Variants in NDUFS4 observed in about 807,000 individuals in gnomAD.
NDUFS4 encodes the protein NADH:ubiquinone oxidoreductase subunit S4, also known as NADH dehydrogenase [ubiquinone] iron-sulfur protein 4, mitochondrial.
NDUFS4 carries 28 observed loss-of-function variants against 24.3 expected under a neutral mutation model. The observed-to-expected ratio is 1.15, with a 90% CI of 0.85 to 1.58. The LOEUF (loss-of-function observed/expected upper bound fraction) is 1.58. Ranked by LOEUF, NDUFS4 falls within the 40% of genes most tolerant of loss-of-function variation. NDUFS4 has a pLI of 0.00. For missense variants in NDUFS4, 223 were observed against 207.9 expected, an observed-to-expected ratio of 1.07 and a Z score of -0.45; for synonymous variants, 93 against 69.7, an observed-to-expected ratio of 1.34 and a Z score of -1.67.
At chr5:53,664,058 T>G (rs1561395327) in intron 4 of NDUFS4, among the ~76,000 whole-genome samples, 1 of 152,218 alleles carries the variant, frequency 6.6e-6, no homozygotes, top group Non-Finnish European at 1.5e-5. Context: ...CATTTGCTTG[T>G]CTGTAAAGGA....
At chr5:53,616,526 A>C (rs910077742) in intron 2 of NDUFS4, among the ~76,000 whole-genome samples, 2 of 152,114 alleles carry the variant, frequency 1.3e-5, no homozygotes, top group African/African-American at 4.8e-5. Flanking sequence ...GTGAGTATCT[A>C]AGGTAAGAGC....
intron 1 of NDUFS4, among the ~76,000 whole-genome samples, chr5:53,602,459 T>A (rs955494836): frequency 6.6e-6 from 1 of 152,132 alleles, no homozygotes; most frequent in South Asian, 2.1e-4. Flanking sequence ...ACCTCTTGTA[T>A]TATGTTATCT....
chr5:53,563,748 C>A (rs927362559), intron 1 of NDUFS4, among the ~76,000 whole-genome samples: 1 of 152,128 alleles, frequency 6.6e-6, no homozygotes, highest in Non-Finnish European at 1.5e-5. Flanking sequence ...GTGATCCACC[C>A]GCCCCGGCCT....
chr5:53,625,074 TAGCTGGGA>T (rs1335842772), intron 2 of NDUFS4, among the ~76,000 whole-genome samples: 1 of 152,054 alleles, frequency 6.6e-6, no homozygotes, highest in Non-Finnish European at 1.5e-5. Flanking sequence ...TCTTCCTGAG[TAGCTGGGA>T]ATATAGGCAC....
chr5:53,616,199 C>G (rs558406678), intron 2 of NDUFS4, among the ~76,000 whole-genome samples: 3 of 149,158 alleles, frequency 2.0e-5, no homozygotes, highest in East Asian at 3.9e-4. Flanking sequence ...TATTATTATC[C>G]TTTCCTTCAT....
At chr5:53,605,380 A>AT (rs1750467040) in intron 2 of NDUFS4, among the ~76,000 whole-genome samples, 1 of 152,124 alleles carries the variant, frequency 6.6e-6, no homozygotes, top group African/African-American at 2.4e-5. Context: ...AAGTTTTCAA[A>AT]TTTTAGAGTT....
At chr5:53,650,476 A>C (rs1231994542) in intron 3 of NDUFS4, among the ~76,000 whole-genome samples, 2 of 152,242 alleles carry the variant, frequency 1.3e-5, no homozygotes, top group African/African-American at 4.8e-5. Context: ...AAGAGTGGAC[A>C]GTCATACAGA....
intron 1 of NDUFS4, among the ~76,000 whole-genome samples, chr5:53,590,677 A>G (rs1214471401): frequency 2.0e-5 from 3 of 152,198 alleles, no homozygotes; most frequent in African/African-American, 4.8e-5. Flanking sequence ...AATCTTCTTC[A>G]TCTTTGACAA....
At chr5:53,609,327 A>G (rs891239322) in intron 2 of NDUFS4, among the ~76,000 whole-genome samples, 28 of 152,276 alleles carry the variant, frequency 1.8e-4, no homozygotes, top group African/African-American at 6.5e-4. Context: ...TGAAAGCGAC[A>G]CCCTTGTACA....
intron 4 of NDUFS4, among the ~76,000 whole-genome samples, chr5:53,675,443 T>G (rs927828652): frequency 6.6e-6 from 1 of 152,062 alleles, no homozygotes; most frequent in Non-Finnish European, 1.5e-5. Context: ...ATTACAGGCG[T>G]GAGCCACCAC....
At chr5:53,598,874 GTAAT>G (rs1194092949) in intron 1 of NDUFS4, among the ~76,000 whole-genome samples, 2 of 152,134 alleles carry the variant, frequency 1.3e-5, no homozygotes, top group African/African-American at 4.8e-5. Context: ...ACCAGTAATG[GTAAT>G]TAATAATCAC....
At chr5:53,604,700 T>C in intron 2 of NDUFS4, 3 of 455,060 alleles carry the variant, frequency 6.6e-6, no homozygotes, top group Non-Finnish European at 1.3e-5. Flanking sequence ...TCTTGCCTGA[T>C]TTAGCTCCTG....
intron 4 of NDUFS4, among the ~76,000 whole-genome samples, chr5:53,667,138 G>T (rs1334533421): frequency 6.6e-6 from 1 of 152,020 alleles, no homozygotes; most frequent in African/African-American, 2.4e-5. Context: ...GTGGAAGGAA[G>T]ATCTAAATAA....
chr5:53,624,137 T>C (rs1751145458), intron 2 of NDUFS4, among the ~76,000 whole-genome samples: 1 of 152,200 alleles, frequency 6.6e-6, no homozygotes, highest in South Asian at 2.1e-4. Context: ...CATCAAATGG[T>C]CTTGGCACTT....
At chr5:53,681,808 A>G (rs1740674687) in intron 4 of NDUFS4, among the ~76,000 whole-genome samples, 1 of 152,114 alleles carries the variant, frequency 6.6e-6, no homozygotes, top group Non-Finnish European at 1.5e-5. Flanking sequence ...AGTTTAAATT[A>G]AAATACGCTG....
At chr5:53,568,011 A>G (rs899919991) in intron 1 of NDUFS4, among the ~76,000 whole-genome samples, 1 of 152,166 alleles carries the variant, frequency 6.6e-6, no homozygotes, top group African/African-American at 2.4e-5. Flanking sequence ...TCATCTAAAC[A>G]TATGAATAAT....
chr5:53,667,194 G>A (rs113800512), intron 4 of NDUFS4, among the ~76,000 whole-genome samples: 25,103 of 150,714 alleles, frequency 0.17, 2,299 homozygotes, highest in Non-Finnish European at 0.21. Context: ...GGCCAGGCGC[G>A]GTGGCTCACG....
chr5:53,666,113 T>G (rs1481496947), intron 4 of NDUFS4, among the ~76,000 whole-genome samples: 1 of 152,236 alleles, frequency 6.6e-6, no homozygotes, highest in African/African-American at 2.4e-5. Flanking sequence ...TATTTTGACT[T>G]AAAATAACAT....
rs533191413 is a variant in NDUFS4, at chr5:53,626,071, G to A, written c.178-20162G>A. Among the ~76,000 whole-genome samples the A allele has an allele frequency of 6.6e-5, 10 of 152,092 alleles. No homozygotes were observed. In the South Asian group the frequency reaches 2.1e-3, roughly 32 times the overall value. Reference sequence around the variant, plus strand: ...CCTCTGATGGGCCCTGGGTTGTGATGTTCCCCGCCCTGTGTCCAAGTGTTC... The same window carrying A: ...CCTCTGATGGGCCCTGGGTTGTGATATTCCCCGCCCTGTGTCCAAGTGTTC... On this transcript the variant is annotated intron_variant, in intron 2 of 4. Transcript: ENST00000296684.
Sources: gnomAD v4.1 joint callset for allele counts (sites outside exome capture counted in the v4.1 genomes callset) on GRCh38, gnomAD v4.1.1 for gene constraint, MANE v1.5 for transcripts, NCBI Gene and HGNC (gene_info 2026-07-23, HGNC 2026-07-21) for gene names.